The following VDAC1 variants were observed in gnomAD, a reference collection of about 807,000 sequenced individuals.
The protein encoded by VDAC1 is non-selective voltage-gated ion channel VDAC1.
VDAC1 carries 10 observed loss-of-function variants against 34.7 expected under a neutral mutation model. The ratio of observed to expected loss-of-function variants is 0.29; its 90% CI spans 0.18 to 0.49. The LOEUF is 0.49. VDAC1 is among the 20% of genes least tolerant of loss of function. VDAC1 has a pLI of 0.99. For missense variants in VDAC1, 230 were observed against 347.9 expected, an observed-to-expected ratio of 0.66 and a Z score of 2.69; for synonymous variants, 130 against 136.0, an observed-to-expected ratio of 0.96 and a Z score of 0.30.
At chr5:134,044,721 C>A in the VDAC1 span, among the ~76,000 whole-genome samples, 12 of 152,244 alleles carry the variant, frequency 7.9e-5, no homozygotes, top group Non-Finnish European at 1.6e-4. Flanking sequence ...ATAGAAAAGA[C>A]CGTGTGATGT....
chr5:133,990,828 T>C (rs1235806748), intron 5 of VDAC1, 27 bp downstream of exon 5: 1 of 1,524,252 alleles, frequency 6.6e-7, no homozygotes, highest in Non-Finnish European at 8.8e-7. Context: ...AGAACATCCT[T>C]GTGGAGAAAA....
At chr5:134,075,832 G>A in the VDAC1 span, among the ~76,000 whole-genome samples, 18 of 152,264 alleles carry the variant, frequency 1.2e-4, 1 homozygote, top group African/African-American at 1.4e-4. Flanking sequence ...TGATTCGCCC[G>A]CCTCAGCCTC....
At chr5:134,039,483 C>T in the VDAC1 span, among the ~76,000 whole-genome samples, 2 of 148,860 alleles carry the variant, frequency 1.3e-5, no homozygotes, top group Non-Finnish European at 3.0e-5. Context: ...CTCCTGCCAC[C>T]ACGCCCGGCT....
At chr5:134,011,146 A>G in the VDAC1 span, among the ~76,000 whole-genome samples, 3 of 152,026 alleles carry the variant, frequency 2.0e-5, no homozygotes, top group Non-Finnish European at 4.4e-5. Flanking sequence ...GCACCTGTTC[A>G]TGTCCTCTGC....
the VDAC1 span, among the ~76,000 whole-genome samples, chr5:134,084,769 G>A: frequency 6.6e-6 from 1 of 152,254 alleles, no homozygotes; most frequent in East Asian, 1.9e-4. Flanking sequence ...CCTGCCAGGG[G>A]TTAGGCTGAT....
intron 1 of VDAC1, among the ~76,000 whole-genome samples, chr5:134,000,272 A>G (rs1459712275): frequency 1.3e-5 from 2 of 152,094 alleles, no homozygotes; most frequent in Non-Finnish European, 2.9e-5. Context: ...CTCTCCCTCC[A>G]TTCTTCCACA....
At chr5:134,104,660 A>G in the VDAC1 span, among the ~76,000 whole-genome samples, 3 of 152,218 alleles carry the variant, frequency 2.0e-5, no homozygotes, top group Non-Finnish European at 2.9e-5. Context: ...CAGGAGGAGA[A>G]AGGGGAGAAA....
chr5:133,991,679 G>A (rs983635940), intron 3 of VDAC1, among the ~76,000 whole-genome samples: 2 of 152,062 alleles, frequency 1.3e-5, no homozygotes, highest in Non-Finnish European at 2.9e-5. Flanking sequence ...TACTGGCATG[G>A]TTCCCCTGGA....
the VDAC1 span, among the ~76,000 whole-genome samples, chr5:134,049,887 GC>G: frequency 6.6e-6 from 1 of 152,160 alleles, no homozygotes; most frequent in Non-Finnish European, 1.5e-5. Context: ...CTGGCCTAAA[GC>G]TTTTGAGGTG....
the VDAC1 span, among the ~76,000 whole-genome samples, chr5:134,088,084 G>T: frequency 6.6e-6 from 1 of 152,062 alleles, no homozygotes; most frequent in Non-Finnish European, 1.5e-5. Flanking sequence ...GAACCCAGGA[G>T]GCAGAGGTTG....
the VDAC1 span, among the ~76,000 whole-genome samples, chr5:134,108,484 C>A: frequency 6.6e-6 from 1 of 152,150 alleles, no homozygotes; most frequent in Admixed American, 6.5e-5. Flanking sequence ...TTACCCTGCC[C>A]ACCACATCCC....
chr5:134,005,079 G>C (rs531612647), upstream of VDAC1: 1 of 152,446 alleles, frequency 6.6e-6, no homozygotes, highest in Non-Finnish European at 1.5e-5. Context: ...CGCTCGGGAA[G>C]GGGGAGGAGG....
the VDAC1 span, among the ~76,000 whole-genome samples, chr5:134,101,558 CAA>C: frequency 3.4e-4 from 46 of 134,164 alleles, no homozygotes; most frequent in African/African-American, 8.9e-4. Flanking sequence ...GACTCTGTCT[CAA>C]AAAAAAAAAA....
chr5:134,113,624 C>T, the VDAC1 span, among the ~76,000 whole-genome samples: 474 of 152,390 alleles, frequency 3.1e-3, no homozygotes, highest in African/African-American at 0.011. Context: ...CTGCTGTTGA[C>T]TGCATCGCGA....
the VDAC1 span, among the ~76,000 whole-genome samples, chr5:134,067,857 C>T: frequency 6.6e-6 from 1 of 152,156 alleles, no homozygotes; most frequent in Non-Finnish European, 1.5e-5. Flanking sequence ...ATACCTCAGG[C>T]CTGTAATCCC....
chr5:134,032,061 T>C, the VDAC1 span, among the ~76,000 whole-genome samples: 1 of 139,140 alleles, frequency 7.2e-6, no homozygotes, highest in African/African-American at 2.7e-5. Context: ...AGGTGGAGGT[T>C]GCAGTGAGCC....
intron 3 of VDAC1, among the ~76,000 whole-genome samples, chr5:133,991,548 G>C (rs995074350): frequency 6.6e-6 from 1 of 152,188 alleles, no homozygotes; most frequent in African/African-American, 2.4e-5. Context: ...GGACTACTAA[G>C]ATTACTTTAA....
the VDAC1 span, among the ~76,000 whole-genome samples, chr5:134,066,355 G>C: frequency 1.4e-4 from 21 of 152,322 alleles, no homozygotes; most frequent in African/African-American, 4.8e-4. Flanking sequence ...TTCAACTCTG[G>C]TAGTAAGGTG....
chr5:133,992,362 AAAG>A lies in VDAC1; in HGVS notation c.68-10_68-8del, dbSNP rs765242654. 6 of 1,570,892 alleles carry A rather than the reference AAAG, an allele frequency of 3.8e-6. No homozygotes were observed. The highest frequency in any genetic ancestry group is 2.4e-5 in the East Asian group (1 of 42,400). On this transcript the variant is annotated splice_region_variant and splice_polypyrimidine_tract_variant and intron_variant, in intron 2 of 8. Transcript: ENST00000265333. ...AGCTTTATTAAGCCAAATCCTAAAG[AAAG>A]AAGAAGACAACTGTCAATAGGTTAA... is the stretch of plus-strand genomic sequence containing the variant.
Sources: gnomAD v4.1 joint callset for allele counts (sites outside exome capture counted in the v4.1 genomes callset) on GRCh38, gnomAD v4.1.1 for gene constraint, MANE v1.5 for transcripts, NCBI Gene and HGNC (gene_info 2026-07-23, HGNC 2026-07-21) for gene names.